The following FREM1 variants were observed in gnomAD, a reference collection of about 807,000 sequenced individuals.
The protein encoded by FREM1 is FRAS1-related extracellular matrix protein 1.
FREM1 carries 220 observed loss-of-function variants against 210.1 expected under a neutral mutation model. The observed-to-expected ratio is 1.05, with a 90% CI of 0.94 to 1.17. FREM1 has a LOEUF of 1.17. Ranked by LOEUF, FREM1 falls within the 50% of genes most tolerant of loss-of-function variation. The pLI is 0.00. For missense variants in FREM1, 3,454 were observed against 2,675.5 expected (o/e 1.29, Z -6.42); for synonymous variants, 1,189 against 980.2 (o/e 1.21, Z -3.98).
At chr9:14,861,026 TATACATATATACATATATAC>T (rs1564104648) in intron 3 of FREM1, among the ~76,000 whole-genome samples, 4 of 74,898 alleles carry the variant, frequency 5.3e-5, no homozygotes, top group African/African-American at 2.8e-4. Flanking sequence ...TATACACATA[TATACATATATACATATATAC>T]ATATATACAT....
At chr9:14,906,754 A>G (rs1443816676) in intron 1 of FREM1, among the ~76,000 whole-genome samples, 1 of 152,228 alleles carries the variant, frequency 6.6e-6, no homozygotes, top group Non-Finnish European at 1.5e-5. Context: ...TTTTAAGAGA[A>G]GAGTGCACAG....
At chr9:14,816,946 C>T in intron 14 of FREM1, 75 bp from the exon 15 acceptor site, 1 of 462,034 alleles carries the variant, frequency 2.2e-6, no homozygotes, top group East Asian at 3.5e-5. Context: ...TACATGAGCT[C>T]TTCCAAGGCT....
Position 14,776,122 on chromosome 9 carries a change from C to A in FREM1, c.4524G>T (p.Val1508=), listed in dbSNP as rs554701633. 1.0e-5 allele frequency: 16 copies of A among 1,594,614 alleles called. No homozygotes were observed. Among genetic ancestry groups the A allele is most frequent in the Non-Finnish European group, 1.3e-5 (15 of 1,169,094 alleles). Reference sequence around the variant, plus strand: ...GTCTCAACCCCTTGTTCCTGGTTACCACAGGCAGGGCTCTGTCCACAGTCT... The same window carrying A: ...GTCTCAACCCCTTGTTCCTGGTTACAACAGGCAGGGCTCTGTCCACAGTCT... ...TLETVDRALP[V]VTRNKGLRLA... The change falls in exon 25 of 37, where the codon GTG becomes GTT. Residue 1508 remains valine (V), a synonymous_variant. Transcript: ENST00000380880.
intron 19 of FREM1, among the ~76,000 whole-genome samples, chr9:14,803,626 C>T (rs2133344069): frequency 6.6e-6 from 1 of 152,278 alleles, no homozygotes; most frequent in East Asian, 1.9e-4. Context: ...GCTTCAGCCT[C>T]CCAAAGTGCT....
intron 23 of FREM1, among the ~76,000 whole-genome samples, chr9:14,787,934 T>A (rs936773998): frequency 2.0e-5 from 3 of 152,080 alleles, no homozygotes; most frequent in African/African-American, 4.8e-5. Flanking sequence ...AATAAGCAAA[T>A]AAAATATATT....
intron 1 of FREM1, among the ~76,000 whole-genome samples, chr9:14,880,601 CA>C (rs35625770): frequency 0.3 from 22,526 of 75,562 alleles, 1,655 homozygotes; most frequent in East Asian, 0.51. Flanking sequence ...GAGACTGTCT[CA>C]AAAAAAAAAA....
chr9:14,774,564 A>G (rs966514356), intron 25 of FREM1, among the ~76,000 whole-genome samples: 2 of 135,802 alleles, frequency 1.5e-5, no homozygotes, highest in African/African-American at 5.4e-5. Context: ...TCTCTCTCTC[A>G]GAGCAAGGAA....
intron 1 of FREM1, among the ~76,000 whole-genome samples, chr9:14,877,656 G>C (rs1448060294): frequency 6.6e-6 from 1 of 152,046 alleles, no homozygotes; most frequent in Non-Finnish European, 1.5e-5. Flanking sequence ...TGAACATGAA[G>C]AAGCAAGCCT....
intron 35 of FREM1, among the ~76,000 whole-genome samples, chr9:14,745,393 A>T (rs1311681532): frequency 6.6e-6 from 1 of 152,184 alleles, no homozygotes; most frequent in Non-Finnish European, 1.5e-5. Context: ...GGTTTTGAGC[A>T]GCTTTTCATT....
At position 14,746,801 on chromosome 9, in the gene FREM1, T is replaced by A. The variant is rs1842522611; in HGVS notation, c.6138+122A>T. ...CCATTTTTTCCTCTTGGCCTTCAAG[T>A]TGTTAACAATGGCAGGAAGATGTAG... On this transcript the variant is annotated intron_variant, in intron 34 of 36. Coordinates refer to ENST00000380880, the MANE Select transcript of FREM1 (RefSeq NM_001379081.2). 4 of 1,229,448 alleles carry A rather than the reference T, an allele frequency of 3.3e-6. No individual in the cohort carries two copies. In the Admixed American group the frequency reaches 8.8e-5, roughly 27 times the overall value. 76.2% of individuals were successfully genotyped at this position (1,229,448 alleles called of 1,614,324 possible).
chr9:14,823,483 T>C (rs1252387804), intron 12 of FREM1, among the ~76,000 whole-genome samples, 156 bp from the exon 13 acceptor site: 1 of 152,204 alleles, frequency 6.6e-6, no homozygotes, highest in African/African-American at 2.4e-5. Context: ...TTTACTTCAA[T>C]GGCAAAAACT....
At chr9:14,746,848 G>C (rs17290109) in intron 34 of FREM1, 75 bp downstream of exon 34, 2 of 1,502,250 alleles carry the variant, frequency 1.3e-6, no homozygotes, top group Non-Finnish European at 1.8e-6. Context: ...TCATGCACCA[G>C]ATGGTTCCCC....
chr9:14,878,000 C>A (rs1834087541), intron 1 of FREM1, among the ~76,000 whole-genome samples: 1 of 152,332 alleles, frequency 6.6e-6, no homozygotes, highest in Non-Finnish European at 1.5e-5. Flanking sequence ...TCCAAGCCAC[C>A]ACCAAGTCTC....
intron 1 of FREM1, among the ~76,000 whole-genome samples, chr9:14,891,120 T>C (rs868217166): frequency 6.6e-6 from 1 of 152,214 alleles, no homozygotes; most frequent in Non-Finnish European, 1.5e-5. Context: ...TCTTCTTGAG[T>C]GAATTCTTCA....
chr9:14,778,607 CAAAAAAAAAAAAA>C (rs1169611171), intron 24 of FREM1, among the ~76,000 whole-genome samples: 1 of 31,244 alleles, frequency 3.2e-5, no homozygotes, highest in Non-Finnish European at 6.6e-5. Context: ...GAACCTGTCT[CAAAAAAAAAAAAA>C]AAAAAAAAAA....
At chr9:14,887,946 C>T (rs569615389) in intron 1 of FREM1, among the ~76,000 whole-genome samples, 3 of 152,074 alleles carry the variant, frequency 2.0e-5, no homozygotes, top group African/African-American at 4.8e-5. Flanking sequence ...TACAGGTGCT[C>T]GCCACCATGC....
intron 1 of FREM1, among the ~76,000 whole-genome samples, chr9:14,888,556 G>C (rs1327949340): frequency 2.6e-5 from 4 of 152,168 alleles, no homozygotes; most frequent in African/African-American, 7.2e-5. Context: ...GAGATACCCT[G>C]TCTACCAGCA....
chr9:14,801,940 T>C, intron 19 of FREM1, 66 bp from the exon 20 acceptor site: 3 of 1,208,310 alleles, frequency 2.5e-6, no homozygotes, highest in Non-Finnish European at 3.5e-6. Context: ...TTTGGAAAAC[T>C]GCTTAAAGAA....
intron 1 of FREM1, among the ~76,000 whole-genome samples, chr9:14,906,893 T>A (rs1164768331): frequency 6.6e-6 from 1 of 152,200 alleles, no homozygotes; most frequent in East Asian, 1.9e-4. Flanking sequence ...CCTTTGTTGC[T>A]GGGGAGCCAG....
Sources: gnomAD v4.1 joint callset for allele counts (sites outside exome capture counted in the v4.1 genomes callset) on GRCh38, gnomAD v4.1.1 for gene constraint, MANE v1.5 for transcripts, NCBI Gene and HGNC (gene_info 2026-07-23, HGNC 2026-07-21) for gene names.